ATXN7: variants seen among roughly 807,000 people sequenced by gnomAD.
ATXN7 encodes ataxin 7, also known as ataxin-7.
ATXN7 carries 12 observed loss-of-function variants against 70.5 expected under a neutral mutation model. The observed-to-expected ratio is 0.17, with a 90% CI of 0.11 to 0.28. The LOEUF (loss-of-function observed/expected upper bound fraction) is 0.28, where lower values mean the gene tolerates loss of function less well. ATXN7 is among the 10% of genes least tolerant of loss of function. The probability of loss-of-function intolerance (pLI) is 1.00; values close to 1 mark genes in which losing one functional copy is unlikely to be tolerated. For synonymous variants in ATXN7, 498 were observed against 448.7 expected (o/e 1.11, Z -1.39); for missense variants, 1,256 against 1,131.7 (o/e 1.11, Z -1.58).
chr3:63,982,503 G>T, intron 7 of ATXN7, 58 bp downstream of exon 7: 2 of 1,415,518 alleles, frequency 1.4e-6, no homozygotes, highest in Non-Finnish European at 1.9e-6. Context: ...GGGCATTCGT[G>T]GGGAGCAAAT....
intron 4 of ATXN7, among the ~76,000 whole-genome samples, chr3:63,941,143 TA>T (rs1332477937): frequency 1.3e-5 from 2 of 152,310 alleles, no homozygotes; most frequent in Non-Finnish European, 2.9e-5. Context: ...TCTTACCTGT[TA>T]GGGGTCACTA....
rs1418100811 is a variant in ATXN7, at chr3:63,982,070, G to C, written c.753-116G>C. On this transcript the variant is annotated intron_variant, in intron 6 of 12. Coordinates refer to ENST00000674280, the MANE Select transcript of ATXN7 (RefSeq NM_001377405.1). Reference sequence around the variant, plus strand: ...CTCATAAGGAGCCTTCCAAGAGGCTGGCCCTGTGCAGCGCTTGGGTAGGCC... The same window carrying C: ...CTCATAAGGAGCCTTCCAAGAGGCTCGCCCTGTGCAGCGCTTGGGTAGGCC... 2.2e-6 allele frequency: 3 copies of C among 1,347,908 alleles called. No homozygotes were observed. The African/African-American group carries it at 5.7e-5, about 25-fold the overall frequency. The allele number at this position is 1,347,908 out of a possible 1,614,324, so 83.5% of individuals were successfully genotyped here. A position where few individuals can be genotyped will look rare whatever the true frequency, so the allele number is the denominator to read the frequency against.
chr3:63,935,662 A>G (rs1399534324), intron 4 of ATXN7, among the ~76,000 whole-genome samples: 2 of 152,072 alleles, frequency 1.3e-5, no homozygotes, highest in African/African-American at 4.8e-5. Flanking sequence ...TTGTGTGATG[A>G]TGCCCTTAAA....
chr3:63,887,150 G>T (rs1312596089), intron 1 of ATXN7, among the ~76,000 whole-genome samples: 1 of 152,180 alleles, frequency 6.6e-6, no homozygotes. Context: ...ATGACGAACT[G>T]GTATTGAGCC....
chr3:63,990,571 TC>T (rs1169778967), intron 10 of ATXN7, 166 bp from the exon 11 acceptor site: 9 of 1,253,950 alleles, frequency 7.2e-6, no homozygotes, highest in Non-Finnish European at 1.0e-5. Flanking sequence ...CCCTTTCTCT[TC>T]CATGACGCTC....
chr3:63,945,987 A>C (rs1020821260), intron 4 of ATXN7, among the ~76,000 whole-genome samples: 1 of 152,200 alleles, frequency 6.6e-6, no homozygotes, highest in African/African-American at 2.4e-5. Context: ...CAAGCTGTTC[A>C]AGGCTGGTGG....
At chr3:63,896,003 TAAG>T (rs928417909) in intron 1 of ATXN7, among the ~76,000 whole-genome samples, 2 of 152,194 alleles carry the variant, frequency 1.3e-5, no homozygotes, top group Admixed American at 6.5e-5. Flanking sequence ...TTTCTCGTTC[TAAG>T]AAGAACACAT....
chr3:63,866,332 C>T (rs1414741672), intron 1 of ATXN7, among the ~76,000 whole-genome samples: 2 of 152,162 alleles, frequency 1.3e-5, no homozygotes, highest in African/African-American at 4.8e-5. Flanking sequence ...CTCACTGCAG[C>T]CTGGAACTCC....
chr3:63,914,552 T>C (rs756287632), intron 4 of ATXN7, among the ~76,000 whole-genome samples: 2 of 152,200 alleles, frequency 1.3e-5, no homozygotes, highest in African/African-American at 2.4e-5. Flanking sequence ...CTTAAAAAAT[T>C]AAAATCACTA....
At chr3:63,881,815 A>C (rs949882838) in intron 1 of ATXN7, among the ~76,000 whole-genome samples, 8 of 151,486 alleles carry the variant, frequency 5.3e-5, no homozygotes, top group African/African-American at 7.4e-5. Context: ...TACAGGGCTA[A>C]GAACTATAAG....
In ATXN7 at chr3:63,982,251, C is replaced by T. The variant is rs369372603; in HGVS notation, c.818C>T (p.Ala273Val). ...ATGGATGGCACACTACTGAAATCTG[C>T]GGTGGGGCCAACCTGTCCTGCTACT... is the stretch of plus-strand genomic sequence containing the variant. ...PKMDGTLLKS[A>V]VGPTCPATVS... Residue 273 changes from alanine to valine, a missense_variant, in exon 7 of 13, where the codon GCG becomes GTG. Coordinates refer to ENST00000674280, the MANE Select transcript of ATXN7 (RefSeq NM_001377405.1). 7 of 1,614,054 alleles carry T rather than the reference C, an allele frequency of 4.3e-6. No individual in the cohort carries two copies. In the Admixed American group the frequency reaches 6.7e-5, roughly 15 times the overall value.
chr3:63,915,258 C>T (rs956857939), intron 4 of ATXN7, among the ~76,000 whole-genome samples: 15 of 152,092 alleles, frequency 9.9e-5, no homozygotes, highest in Non-Finnish European at 1.9e-4. Context: ...TAAGGGTTCC[C>T]CTCCTCCCCC....
rs2075831732 is a variant in ATXN7, at chr3:64,001,409, G to T, written c.*1942G>T. On this transcript the variant is annotated 3_prime_UTR_variant, in exon 13 of 13. Coordinates refer to ENST00000674280, the MANE Select transcript of ATXN7 (RefSeq NM_001377405.1). Reference sequence around the variant, plus strand: ...AGTCGGGGAAGAGAGAGGTGAGAGGGAATCAGAACGTACCTAGTTGATTCC... The same window carrying T: ...AGTCGGGGAAGAGAGAGGTGAGAGGTAATCAGAACGTACCTAGTTGATTCC... 1.3e-5 allele frequency: 2 copies of T among 152,124 alleles called. No individual in the cohort carries two copies. Among genetic ancestry groups the T allele is most frequent in the African/African-American group, 4.8e-5 (2 of 41,442 alleles). The allele number at this position is 152,124 out of a possible 1,614,324, so 9.4% of individuals were successfully genotyped here. A position where few individuals can be genotyped will look rare whatever the true frequency, so the allele number is the denominator to read the frequency against.
intron 12 of ATXN7, chr3:63,997,688 G>A (rs752670856): frequency 1.9e-5 from 30 of 1,551,914 alleles, no homozygotes; most frequent in Non-Finnish European, 2.5e-5. Flanking sequence ...GACTTAAAAT[G>A]TGAGGCTCTT....
chr3:63,936,891 C>G (rs2074671712), intron 4 of ATXN7, among the ~76,000 whole-genome samples: 1 of 151,446 alleles, frequency 6.6e-6, no homozygotes, highest in African/African-American at 2.5e-5. Flanking sequence ...CCCTTTCAGT[C>G]CCAGTGGAAT....
At chr3:63,965,498 C>A (rs190783216) in intron 5 of ATXN7, among the ~76,000 whole-genome samples, 2 of 152,172 alleles carry the variant, frequency 1.3e-5, no homozygotes, top group Admixed American at 6.5e-5. Context: ...CATGTGTACA[C>A]CATCCAAACC....
chr3:63,966,775 T>C (rs1221132297), intron 5 of ATXN7, among the ~76,000 whole-genome samples: 1 of 152,246 alleles, frequency 6.6e-6, no homozygotes, highest in Non-Finnish European at 1.5e-5. Context: ...CATTTCCACA[T>C]ATGTAATTCA....
chr3:63,942,471 G>GT (rs1289148607), intron 4 of ATXN7, among the ~76,000 whole-genome samples: 4 of 151,892 alleles, frequency 2.6e-5, no homozygotes, highest in African/African-American at 4.8e-5. Flanking sequence ...ACTTCGCAGG[G>GT]TTTTTTTTCT....
chr3:63,935,377 C>A (rs1486616829), intron 4 of ATXN7, among the ~76,000 whole-genome samples: 2 of 152,052 alleles, frequency 1.3e-5, no homozygotes, highest in African/African-American at 4.8e-5. Flanking sequence ...AAGATGCCTA[C>A]TTTTCTCTTG....
Sources: allele counts gnomAD v4.1 joint callset (sites outside exome capture counted in the v4.1 genomes callset), GRCh38; gene constraint gnomAD v4.1.1; transcripts MANE v1.5; gene names NCBI Gene and HGNC (gene_info 2026-07-23, HGNC 2026-07-21).